The following GAK variants were observed in gnomAD, a reference collection of about 807,000 sequenced individuals.
GAK encodes the protein cyclin G associated kinase.
Under a neutral mutation model 143.9 loss-of-function variants are expected in GAK, and 79 were observed. That is an observed-to-expected ratio of 0.55 (90% confidence interval 0.46 to 0.66). The LOEUF is 0.66. GAK is among the 30% of genes least tolerant of loss of function. The probability of loss-of-function intolerance (pLI) is 0.00; values close to 1 mark genes in which losing one functional copy is unlikely to be tolerated. For missense variants in GAK, 1,693 were observed against 1,779.7 expected, an observed-to-expected ratio of 0.95 and a Z score of 0.88; for synonymous variants, 881 against 765.5, an observed-to-expected ratio of 1.15 and a Z score of -2.49.
At chr4:914,876 A>C (rs1293711329) in intron 1 of GAK, among the ~76,000 whole-genome samples, 3 of 126,148 alleles carry the variant, frequency 2.4e-5, no homozygotes, top group Admixed American at 1.7e-4. Flanking sequence ...CCACACACAC[A>C]CACAGCCCCA....
In GAK at chr4:932,024, T is replaced by G; in HGVS notation, c.145+19A>C. On this transcript the variant is annotated intron_variant, in intron 1 of 27. Transcript: ENST00000314167. The surrounding 1 kb of genome is among the most constrained non-coding windows in gnomAD (Gnocchi z 4.0). ...CAACACTCCGCGGCCGCACCCGCGC[T>G]GCCGACCCGGGGCCTCACCTTCGGC... 6.5e-7 allele frequency: 1 copy of G among 1,544,814 alleles called. No individual in the cohort carries two copies. The highest frequency in any genetic ancestry group is 1.4e-5 in the African/African-American group (1 of 73,176).
intron 25 of GAK, chr4:851,504 CAG>C (rs1298773466): frequency 1.7e-6 from 1 of 584,064 alleles, no homozygotes; most frequent in African/African-American, 1.9e-5. Flanking sequence ...GAAGACAAGA[CAG>C]GGTTGCAAAG....
Position 893,975 on chromosome 4 carries a change from C to T in GAK, c.776G>A (p.Arg259Gln), listed in dbSNP as rs139175908. 56 of 1,612,004 alleles carry T rather than the reference C, an allele frequency of 3.5e-5. 1 individual carries two copies. In the South Asian group the frequency reaches 3.9e-4, roughly 11 times the overall value. ...CGCTCCATCCTCAAAAGGGTGCTGC[C>T]GGAAGCACAGCAGGTACAAGATGCA... is the stretch of plus-strand genomic sequence containing the variant. ...LGCILYLLCF[R>Q]QHPFEDGAKL... Residue 259 changes from arginine (R) to glutamine (Q), a missense_variant, in exon 8 of 28, where the codon CGG (arginine) becomes CAG (glutamine). By Grantham distance (43) the Arg-to-Gln change is conservative (BLOSUM62 1). This residue lies in a region of GAK where 871 missense variants were observed against 991.0 expected (regional missense o/e 0.88). Transcript: ENST00000314167.
rs963814946 is a variant in GAK at position 877,111 on chromosome 4, C to A, written c.1953G>T (p.Leu651=). Reference sequence around the variant, plus strand: ...TCACCTTGGCCTGCAGCCGGCCGCCCAGAGTGGACCGGGCGTGATAGATGA... The same window carrying A: ...TCACCTTGGCCTGCAGCCGGCCGCCAAGAGTGGACCGGGCGTGATAGATGA... The part of the protein sequence containing the change: ...LIVIYHARST[L]GGRLQAKMAS... Residue 651 remains leucine (L), a synonymous_variant, in exon 17 of 28, where the codon CTG becomes CTT. Coordinates refer to ENST00000314167, the MANE Select transcript of GAK (RefSeq NM_005255.4). 2 of 1,613,402 alleles carry A rather than the reference C, an allele frequency of 1.2e-6. No individual in the cohort carries two copies. Among genetic ancestry groups the A allele is most frequent in the Non-Finnish European group, 1.7e-6 (2 of 1,179,564 alleles).
intron 24 of GAK, among the ~76,000 whole-genome samples, chr4:854,289 C>T (rs1400942774): frequency 1.3e-5 from 2 of 151,998 alleles, no homozygotes; most frequent in Non-Finnish European, 2.9e-5. Context: ...AACTGGATTG[C>T]TTTCAGTTTG....
At chr4:893,636 G>T in intron 8 of GAK, 147 bp from the exon 9 acceptor site, 1 of 729,686 alleles carries the variant, frequency 1.4e-6, no homozygotes, top group East Asian at 3.0e-5. Flanking sequence ...GCAAAGGGAA[G>T]AACAAAAACC....
At chr4:894,142 AG>A in intron 7 of GAK, 133 bp from the exon 8 acceptor site, 2 of 1,077,422 alleles carry the variant, frequency 1.9e-6, no homozygotes, top group Non-Finnish European at 1.3e-6. Context: ...TGGGGAGCGC[AG>A]GGGTGACACT....
intron 4 of GAK, among the ~76,000 whole-genome samples, chr4:906,024 C>T (rs1273117712): frequency 6.6e-6 from 1 of 152,234 alleles, no homozygotes; most frequent in African/African-American, 2.4e-5. Flanking sequence ...GCGTCAGCAT[C>T]CCAGCAGCTG....
Position 883,966 on chromosome 4 carries a change from C to T in GAK, c.1255+71G>A, listed in dbSNP as rs367634687. ...GAGCAGAGGCACCTGTGCCCTGACA[C>T]ACAACAGGGACTCACTGGGCACACA... On this transcript the variant is annotated intron_variant, in intron 12 of 27. Transcript: ENST00000314167. The T allele has an allele frequency of 2.9e-4, 404 of 1,392,236 alleles. No homozygotes were observed. In the African/African-American group the frequency reaches 5.4e-3, roughly 19 times the overall value. The allele number at this position is 1,392,236 out of a possible 1,614,324, so 86.2% of individuals were successfully genotyped here.
chr4:900,379 C>T (rs1359605007), intron 5 of GAK, among the ~76,000 whole-genome samples: 1 of 152,272 alleles, frequency 6.6e-6, no homozygotes, highest in South Asian at 2.1e-4. Flanking sequence ...GCAGGGCTGG[C>T]CTGGGTTCCC....
rs1303835743 is a variant in GAK at position 912,863 on chromosome 4, T to C, written c.208-69A>G. The C allele has an allele frequency of 9.8e-6, 13 of 1,329,132 alleles. No homozygotes were observed. In the Admixed American group the frequency reaches 2.3e-4, roughly 23 times the overall value. The allele number at this position is 1,329,132 out of a possible 1,614,324, so 82.3% of individuals were successfully genotyped here. ...CCTTCCTACTCCACCCGATGCATCATCTCAGACATAAGCACGCAACAGAGC... is the reference window on the plus strand; with the variant it reads ...CCTTCCTACTCCACCCGATGCATCACCTCAGACATAAGCACGCAACAGAGC... On this transcript the variant is annotated intron_variant, in intron 2 of 27. Transcript: ENST00000314167.
chr4:852,132 G>A (rs910011078), intron 24 of GAK, 158 bp from the exon 25 acceptor site: 29 of 682,174 alleles, frequency 4.3e-5, no homozygotes, highest in Non-Finnish European at 5.9e-5. Context: ...CCACCCACAC[G>A]TGTGAAGGTC....
Position 849,623 on chromosome 4 carries a change from G to C in GAK, c.*50C>G, listed in dbSNP as rs376847865. ...CTCACGGTGGGGACCCAGGTCCCAC[G>C]ACGGCTCCCAACCTGTGGAGCTGTG... On this transcript the variant is annotated 3_prime_UTR_variant, in exon 28 of 28. Coordinates refer to ENST00000314167, the MANE Select transcript of GAK (RefSeq NM_005255.4). The C allele has an allele frequency of 3.4e-6, 5 of 1,462,948 alleles. No individual in the cohort carries two copies. The highest frequency in any genetic ancestry group is 3.6e-5 in the Admixed American group (2 of 55,366). 90.6% of individuals were successfully genotyped at this position (1,462,948 alleles called of 1,614,324 possible).
In GAK at chr4:867,240, A is replaced by G; in HGVS notation, c.2588T>C (p.Phe863Ser). Reference protein sequence around the residue: ...AAGLVQQDLVFEVETPAVLPE... With the variant: ...AAGLVQQDLVSEVETPAVLPE... ...CAGCACAGCCGGTGTCTCCACCTCA[A>G]AAACCAAGTCCTGCTGCACCAGCCC... Residue 863 changes from phenylalanine (F) to serine (S), a missense_variant, in exon 21 of 28, where the codon TTT becomes TCT. Phe to Ser is a radical substitution (Grantham distance 155, BLOSUM62 -2). Around this residue, in one of 2 missense-constraint regions of GAK, gnomAD observed 822 missense variants for 788.7 expected, o/e 1.04. Coordinates refer to ENST00000314167, the MANE Select transcript of GAK (RefSeq NM_005255.4). 1 of 1,613,072 alleles carries G rather than the reference A, an allele frequency of 6.2e-7. No homozygotes were observed. The highest frequency in any genetic ancestry group is 8.5e-7 in the Non-Finnish European group (1 of 1,179,668).
At chr4:926,071 G>C (rs545995348) in intron 1 of GAK, among the ~76,000 whole-genome samples, 1 of 151,160 alleles carries the variant, frequency 6.6e-6, no homozygotes, top group Admixed American at 6.6e-5. Flanking sequence ...GTCCTCCCCC[G>C]ACAGTGACCT....
chr4:902,357 C>A (rs1042112605), intron 5 of GAK, among the ~76,000 whole-genome samples: 1 of 151,906 alleles, frequency 6.6e-6, no homozygotes, highest in Non-Finnish European at 1.5e-5. Flanking sequence ...TGGAATCGAC[C>A]CCTTTCAGAG....
rs750349401 is a variant in GAK at position 851,992 on chromosome 4, G to A, written c.3284-18C>T. On this transcript the variant is annotated intron_variant, in intron 24 of 27. Coordinates refer to ENST00000314167, the MANE Select transcript of GAK (RefSeq NM_005255.4). ...TGGTGAGCCTGTGGAGATGGAGATC[G>A]GAAACTCGGCATCTGGTTGTCCATG... 10 of 1,601,166 alleles carry A rather than the reference G, an allele frequency of 6.2e-6. 1 individual carries two copies. Among genetic ancestry groups the A allele is most frequent in the South Asian group, 4.4e-5 (4 of 90,330 alleles).
At chr4:925,956 G>A (rs1027100753) in intron 1 of GAK, among the ~76,000 whole-genome samples, 1 of 152,198 alleles carries the variant, frequency 6.6e-6, no homozygotes, top group African/African-American at 2.4e-5. Flanking sequence ...GGAGGAGGAG[G>A]AAAGGGGAGT....
rs759896645 is a variant in GAK at position 866,378 on chromosome 4, T to G, written c.3029A>C (p.Asp1010Ala). ...GAGGCACTTACCCAGGTGCAGGAAGTCGGCGCTGCAGGATGGGGGCGGAGC... is the reference window on the plus strand; with the variant it reads ...GAGGCACTTACCCAGGTGCAGGAAGGCGGCGCTGCAGGATGGGGGCGGAGC... ...HSAPPPSCSA[D>A]FLHLGDLPGE... Residue 1010 changes from aspartate (D) to alanine (A), a missense_variant, in exon 22 of 28, where the codon GAC (aspartate) becomes GCC (alanine). By Grantham distance (126) the Asp-to-Ala change is moderately radical (BLOSUM62 -2). This residue lies in a region of GAK where 822 missense variants were observed against 788.7 expected (regional missense o/e 1.04). Coordinates refer to ENST00000314167, the MANE Select transcript of GAK (RefSeq NM_005255.4). The G allele has an allele frequency of 6.2e-7, 1 of 1,613,858 alleles. No individual in the cohort carries two copies. The highest frequency in any genetic ancestry group is 8.5e-7 in the Non-Finnish European group (1 of 1,179,918).
Sources: allele counts gnomAD v4.1 joint callset (sites outside exome capture counted in the v4.1 genomes callset), GRCh38; gene constraint gnomAD v4.1.1; regional missense constraint gnomAD v4.1.1; non-coding constraint Gnocchi (gnomAD v3.1); transcripts MANE v1.5; gene names NCBI Gene and HGNC (gene_info 2026-07-23, HGNC 2026-07-21).